Variants in OSBPL6 observed in about 807,000 individuals in gnomAD.
OSBPL6 encodes oxysterol binding protein like 6, also known as oxysterol-binding protein-related protein 6.
A neutral mutation model predicts 125.8 loss-of-function variants in OSBPL6; 49 were observed. The observed-to-expected ratio is 0.39, with a 90% CI of 0.31 to 0.49. OSBPL6 has a LOEUF of 0.49. OSBPL6 is among the 20% of genes least tolerant of loss of function. The probability of loss-of-function intolerance (pLI) is 0.88; values close to 1 mark genes in which losing one functional copy is unlikely to be tolerated. For synonymous variants in OSBPL6, 394 were observed against 391.8 expected (o/e 1.01, Z -0.07); for missense variants, 986 against 1,135.4 (o/e 0.87, Z 1.89).
chr2:178,395,772 T>TAA lies in OSBPL6; in HGVS notation c.*240_*241dup, dbSNP rs746653123. 0.014 allele frequency: 3,280 copies of TAA among 241,932 alleles called. 40 individuals carry two copies. Among genetic ancestry groups the TAA allele is most frequent in the African/African-American group, 0.017 (365 of 21,966 alleles). 15.0% of individuals were successfully genotyped at this position (241,932 alleles called of 1,614,324 possible). A position where few individuals can be genotyped will look rare whatever the true frequency, so the allele number is the denominator to read the frequency against. ...TCTGTTTTGCTGCAACCATATTCCTTAAAAAAAAAAAAAAAAAAAAAAAAA... is the reference window on the plus strand; with the variant it reads ...TCTGTTTTGCTGCAACCATATTCCTTAAAAAAAAAAAAAAAAAAAAAAAAAAA... On this transcript the variant is annotated 3_prime_UTR_variant, in exon 25 of 25. Coordinates refer to ENST00000190611, the MANE Select transcript of OSBPL6 (RefSeq NM_032523.4).
At chr2:178,211,791 G>A (rs1247143180) in intron 1 of OSBPL6, among the ~76,000 whole-genome samples, 1 of 152,120 alleles carries the variant, frequency 6.6e-6, no homozygotes, top group East Asian at 1.9e-4. Context: ...CTTCTCCTTG[G>A]AGGAGTGGTG....
At chr2:178,236,659 A>G (rs1244535985) in intron 1 of OSBPL6, among the ~76,000 whole-genome samples, 1 of 152,204 alleles carries the variant, frequency 6.6e-6, no homozygotes, top group African/African-American at 2.4e-5. Flanking sequence ...CCAAAGACTG[A>G]TGCTGGTAGG....
At chr2:178,212,801 C>A (rs1445091184) in intron 1 of OSBPL6, among the ~76,000 whole-genome samples, 1 of 143,026 alleles carries the variant, frequency 7.0e-6, no homozygotes, top group Non-Finnish European at 1.5e-5. Flanking sequence ...TGAACACAGA[C>A]CCTCTTGATA....
intron 1 of OSBPL6, among the ~76,000 whole-genome samples, chr2:178,249,708 T>C (rs2091620358): frequency 6.6e-6 from 1 of 152,146 alleles, no homozygotes; most frequent in African/African-American, 2.4e-5. Flanking sequence ...TCTGCATCAA[T>C]CCCTCTACTT....
Position 178,385,298 on chromosome 2 carries a change from G to A in OSBPL6, c.2014-160G>A, listed in dbSNP as rs113306808. On this transcript the variant is annotated intron_variant, in intron 18 of 24. Coordinates refer to ENST00000190611, the MANE Select transcript of OSBPL6 (RefSeq NM_032523.4). Reference sequence around the variant, plus strand: ...AAGGACGAATTCACTTCACTTATGGGCATTATTTCCCCTCTAAATTGTATA... The same window carrying A: ...AAGGACGAATTCACTTCACTTATGGACATTATTTCCCCTCTAAATTGTATA... Among the ~76,000 whole-genome samples the A allele has an allele frequency of 7.2e-3, 1,091 of 152,248 alleles. 12 individuals are homozygous for A. The highest frequency in any genetic ancestry group is 0.025 in the African/African-American group (1,026 of 41,556).
intron 1 of OSBPL6, among the ~76,000 whole-genome samples, chr2:178,200,966 T>G (rs1278782331): frequency 2.0e-5 from 3 of 151,988 alleles, no homozygotes; most frequent in African/African-American, 7.3e-5. Context: ...GGCTAATTTT[T>G]TGTATTTTTA....
chr2:178,391,625 C>T (rs1695412965), intron 22 of OSBPL6, among the ~76,000 whole-genome samples: 1 of 152,198 alleles, frequency 6.6e-6, no homozygotes, highest in South Asian at 2.1e-4. Context: ...TCCACAAATT[C>T]AATAACTCAC....
chr2:178,306,612 A>G (rs568824413), intron 3 of OSBPL6, among the ~76,000 whole-genome samples: 1 of 152,322 alleles, frequency 6.6e-6, no homozygotes, highest in South Asian at 2.1e-4. Flanking sequence ...GGAGGTGGAA[A>G]GGGAACTGTG....
At chr2:178,268,701 CTGTT>C (rs2092305941) in intron 1 of OSBPL6, among the ~76,000 whole-genome samples, 1 of 151,694 alleles carries the variant, frequency 6.6e-6, no homozygotes, top group African/African-American at 2.4e-5. Context: ...TTTTTTTATT[CTGTT>C]TATTATTTCA....
chr2:178,292,677 C>T (rs1685396085), intron 2 of OSBPL6, among the ~76,000 whole-genome samples: 1 of 152,080 alleles, frequency 6.6e-6, no homozygotes, highest in South Asian at 2.1e-4. Context: ...ATTGAGTGTC[C>T]ACTCAGTATC....
chr2:178,208,096 C>T (rs1378476024), intron 1 of OSBPL6, among the ~76,000 whole-genome samples: 1 of 151,906 alleles, frequency 6.6e-6, no homozygotes, highest in Non-Finnish European at 1.5e-5. Flanking sequence ...ACCAGCCTGG[C>T]CAACATGGTG....
intron 1 of OSBPL6, among the ~76,000 whole-genome samples, chr2:178,200,335 T>A (rs1361927737): frequency 7.5e-6 from 1 of 132,472 alleles, no homozygotes; most frequent in East Asian, 2.6e-4. Flanking sequence ...CACTGCAACC[T>A]CCACCTCCTG....
intron 2 of OSBPL6, among the ~76,000 whole-genome samples, chr2:178,288,424 T>C (rs1486550030): frequency 6.6e-6 from 1 of 152,204 alleles, no homozygotes; most frequent in Non-Finnish European, 1.5e-5. Flanking sequence ...AGCTCTCGCC[T>C]GTGCATTCAT....
chr2:178,287,890 C>A (rs545237542), intron 2 of OSBPL6, among the ~76,000 whole-genome samples: 2 of 151,586 alleles, frequency 1.3e-5, no homozygotes, highest in East Asian at 3.9e-4. Context: ...CAACTAAGAC[C>A]GAAAAAATGG....
At chr2:178,204,988 A>G (rs548205279) in intron 1 of OSBPL6, among the ~76,000 whole-genome samples, 56 of 152,062 alleles carry the variant, frequency 3.7e-4, no homozygotes, top group African/African-American at 1.1e-3. Context: ...TTAATCCTTT[A>G]CCCCCACACT....
intron 2 of OSBPL6, among the ~76,000 whole-genome samples, chr2:178,291,302 G>A (rs913394840): frequency 3.9e-5 from 6 of 152,086 alleles, no homozygotes; most frequent in Admixed American, 6.5e-5. Flanking sequence ...TGCATCATAC[G>A]CAGGTGTTCC....
intron 1 of OSBPL6, among the ~76,000 whole-genome samples, chr2:178,255,618 A>G (rs334014): frequency 0.65 from 99,172 of 152,164 alleles, 34,333 homozygotes; most frequent in African/African-American, 0.9. Flanking sequence ...TGATTCAGCC[A>G]TTGGGTACTG....
rs754320721 is a variant in OSBPL6 at position 178,389,146 on chromosome 2, T to G, written c.2294T>G (p.Phe765Cys). The G allele has an allele frequency of 1.2e-6, 2 of 1,613,516 alleles. No individual in the cohort carries two copies. Among genetic ancestry groups the G allele is most frequent in the Non-Finnish European group, 1.7e-6 (2 of 1,179,872 alleles). ...AGTGTTTGCATTTGCAAACTCACAT[T>G]TGTCAAGGTAAATACTATCATACAA... Reference protein sequence around the residue: ...KSSVCICKLTFVKVNYWNSNM... With the variant: ...KSSVCICKLTCVKVNYWNSNM... Residue 765 changes from phenylalanine (F) to cysteine (C), a missense_variant, in exon 21 of 25, where the codon TTT (phenylalanine) becomes TGT (cysteine). Phe to Cys is a radical substitution (Grantham distance 205). Around this residue, in one of 3 missense-constraint regions of OSBPL6, gnomAD observed 843 missense variants for 997.3 expected, o/e 0.85. Coordinates refer to ENST00000190611, the MANE Select transcript of OSBPL6 (RefSeq NM_032523.4).
chr2:178,273,343 CTT>C (rs2092408882), intron 1 of OSBPL6, among the ~76,000 whole-genome samples: 1 of 152,158 alleles, frequency 6.6e-6, no homozygotes, highest in Admixed American at 6.5e-5. Context: ...AGTCCCAACA[CTT>C]TGGGAGGCCA....
Sources: allele counts gnomAD v4.1 joint callset (sites outside exome capture counted in the v4.1 genomes callset), GRCh38; gene constraint gnomAD v4.1.1; regional missense constraint gnomAD v4.1.1; transcripts MANE v1.5; gene names NCBI Gene and HGNC (gene_info 2026-07-23, HGNC 2026-07-21).